Variants in SLC24A4 observed in about 807,000 individuals in gnomAD.
SLC24A4 encodes the protein sodium/potassium/calcium exchanger 4.
A neutral mutation model predicts 79.0 loss-of-function variants in SLC24A4; 53 were observed. That is an observed-to-expected ratio of 0.67 (90% CI 0.54 to 0.84). The LOEUF (loss-of-function observed/expected upper bound fraction) is 0.84. SLC24A4 is among the 40% of genes least tolerant of loss of function. SLC24A4 has a pLI of 0.00. For synonymous variants in SLC24A4, 323 were observed against 323.8 expected, an observed-to-expected ratio of 1.00 and a Z score of 0.03; for missense variants, 731 against 822.0, an observed-to-expected ratio of 0.89 and a Z score of 1.35.
intron 11 of SLC24A4, among the ~76,000 whole-genome samples, chr14:92,455,234 A>C (rs1893388438): frequency 6.6e-6 from 1 of 152,196 alleles, no homozygotes; most frequent in South Asian, 2.1e-4. Context: ...GAGGGTATTG[A>C]ACAGGATGCT....
At chr14:92,486,504 T>TG (rs1260594277) in intron 13 of SLC24A4, among the ~76,000 whole-genome samples, 162 bp from the exon 14 acceptor site, 1 of 152,090 alleles carries the variant, frequency 6.6e-6, no homozygotes, top group East Asian at 1.9e-4. Context: ...CGTAGTTCAG[T>TG]GGGGGTTTTT....
At chr14:92,436,073 A>T (rs1948207901) in intron 3 of SLC24A4, among the ~76,000 whole-genome samples, 1 of 152,194 alleles carries the variant, frequency 6.6e-6, no homozygotes, top group Admixed American at 6.5e-5. Flanking sequence ...GTTTTTTTAA[A>T]TAAAGAAAAG....
intron 2 of SLC24A4, among the ~76,000 whole-genome samples, chr14:92,429,359 T>TGTATGTGAGATAGATAA (rs11274223): frequency 2.0e-5 from 3 of 151,280 alleles, no homozygotes; most frequent in Non-Finnish European, 1.5e-5. Context: ...TGAGTTTTAG[T>TGTATGTGAGATAGATAA]GTATGTGAGA....
At chr14:92,426,199 A>C (rs1409435268) in intron 2 of SLC24A4, among the ~76,000 whole-genome samples, 3 of 152,172 alleles carry the variant, frequency 2.0e-5, no homozygotes, top group Non-Finnish European at 4.4e-5. Context: ...TAATAAATAA[A>C]GAAGGTTTAT....
chr14:92,478,466 C>A (rs1427650549), intron 12 of SLC24A4, among the ~76,000 whole-genome samples: 1 of 152,158 alleles, frequency 6.6e-6, no homozygotes, highest in Non-Finnish European at 1.5e-5. Flanking sequence ...GGGTTTATTT[C>A]TGGACTCAAA....
intron 2 of SLC24A4, among the ~76,000 whole-genome samples, chr14:92,355,619 G>C (rs1481985565): frequency 6.6e-6 from 1 of 152,186 alleles, no homozygotes; most frequent in Non-Finnish European, 1.5e-5. Context: ...ATTTGTCTGG[G>C]GACGAGCAAA....
chr14:92,445,278 T>C (rs781769356), intron 7 of SLC24A4, 39 bp from the exon 8 acceptor site: 6 of 1,613,014 alleles, frequency 3.7e-6, no homozygotes, highest in Non-Finnish European at 4.2e-6. Flanking sequence ...GAAATAAATA[T>C]GTCCCACCCA....
At chr14:92,468,912 G>C (rs1038894750) in intron 12 of SLC24A4, among the ~76,000 whole-genome samples, 1 of 102,682 alleles carries the variant, frequency 9.7e-6, no homozygotes, top group South Asian at 3.6e-4. Flanking sequence ...GTGTGTGTGT[G>C]TGTGTGTGTG....
intron 9 of SLC24A4, 132 bp from the exon 10 acceptor site, chr14:92,448,942 C>T: frequency 9.2e-7 from 1 of 1,089,370 alleles, no homozygotes; most frequent in Non-Finnish European, 1.3e-6. Context: ...AGCTGAGGCT[C>T]CACACCTCCC....
chr14:92,324,481 C>G (rs1196601922), intron 1 of SLC24A4, among the ~76,000 whole-genome samples: 1 of 152,206 alleles, frequency 6.6e-6, no homozygotes, highest in Non-Finnish European at 1.5e-5. Flanking sequence ...GTTTCAGCAT[C>G]GCGTCTCTCA....
intron 2 of SLC24A4, among the ~76,000 whole-genome samples, chr14:92,375,511 A>G (rs1238105541): frequency 6.6e-6 from 1 of 152,282 alleles, no homozygotes; most frequent in Non-Finnish European, 1.5e-5. Flanking sequence ...ACAAATATTC[A>G]TTGCAGGATT....
intron 3 of SLC24A4, among the ~76,000 whole-genome samples, chr14:92,435,496 A>G (rs537464491): frequency 3.2e-4 from 48 of 152,286 alleles, no homozygotes; most frequent in Non-Finnish European, 5.0e-4. Flanking sequence ...TGCTGACTCT[A>G]TTGTGTGGTG....
chr14:92,355,433 G>A lies in SLC24A4; in HGVS notation c.241+29455G>A, dbSNP rs115939449. ...AGTGAGGTCTCACTCTCAGGTAGAC[G>A]CCAAGGCTAGAAGGACGAGCTGACT... On this transcript the variant is annotated intron_variant, in intron 2 of 16. Coordinates refer to ENST00000532405, the MANE Select transcript of SLC24A4 (RefSeq NM_153646.4). 3.0e-3 allele frequency among the ~76,000 whole-genome samples: 452 copies of A among 152,314 alleles called. 2 individuals carry two copies. Among genetic ancestry groups the A allele is most frequent in the African/African-American group, 9.7e-3 (404 of 41,560 alleles).
At chr14:92,324,942 A>T (rs1464156305) in intron 1 of SLC24A4, among the ~76,000 whole-genome samples, 2 of 152,212 alleles carry the variant, frequency 1.3e-5, no homozygotes, top group African/African-American at 4.8e-5. Context: ...TTTCAAAATA[A>T]CTGCCTTTCG....
intron 12 of SLC24A4, among the ~76,000 whole-genome samples, chr14:92,459,703 C>T (rs1313740872): frequency 6.6e-6 from 1 of 152,168 alleles, no homozygotes; most frequent in Non-Finnish European, 1.5e-5. Flanking sequence ...TCCCTTTCCC[C>T]TGTGAGGAGC....
intron 3 of SLC24A4, 102 bp from the exon 4 acceptor site, chr14:92,439,233 G>T (rs542183411): frequency 8.2e-5 from 75 of 917,896 alleles, no homozygotes; most frequent in Non-Finnish European, 1.0e-4. Flanking sequence ...CGCTCTGTCC[G>T]CCTGGCCTCT....
chr14:92,490,864 G>GT lies in SLC24A4; in HGVS notation c.1538-799dup, dbSNP rs1895641333. On this transcript the variant is annotated intron_variant, in intron 14 of 16. Transcript: ENST00000532405. The surrounding 1 kb of genome is among the most constrained non-coding windows in gnomAD (Gnocchi z 4.3). ...AACAACGGAAGTGTATTGTCTTGTG[G>GT]TTCCGGAGGCCAGAAGCCTGAAGGA... Among the ~76,000 whole-genome samples, 1 of 152,362 alleles carries GT rather than the reference G, an allele frequency of 6.6e-6. No homozygotes were observed. The highest frequency in any genetic ancestry group is 1.9e-4 in the East Asian group (1 of 5,192).
intron 2 of SLC24A4, among the ~76,000 whole-genome samples, chr14:92,418,677 GTT>G (rs752559355): frequency 2.0e-5 from 3 of 151,982 alleles, no homozygotes; most frequent in African/African-American, 4.8e-5. Flanking sequence ...TTGTTTTGTT[GTT>G]TGTTTTTGTT....
At chr14:92,376,872 A>G (rs1888539489) in intron 2 of SLC24A4, among the ~76,000 whole-genome samples, 1 of 152,162 alleles carries the variant, frequency 6.6e-6, no homozygotes, top group African/African-American at 2.4e-5. Flanking sequence ...TCTAGTGGGT[A>G]GAGGCCAAGG....
Sources: allele counts gnomAD v4.1 joint callset (sites outside exome capture counted in the v4.1 genomes callset), GRCh38; gene constraint gnomAD v4.1.1; non-coding constraint Gnocchi (gnomAD v3.1); transcripts MANE v1.5; gene names NCBI Gene and HGNC (gene_info 2026-07-23, HGNC 2026-07-21).